Variants in SPTBN1 observed in about 807,000 individuals in gnomAD.
The protein encoded by SPTBN1 is spectrin beta chain, non-erythrocytic 1.
A neutral mutation model predicts 266.4 loss-of-function variants in SPTBN1; 32 were observed. The ratio of observed to expected loss-of-function variants is 0.12; its 90% confidence interval spans 0.09 to 0.16. The LOEUF (loss-of-function observed/expected upper bound fraction) is 0.16. Among genes scored for constraint, SPTBN1 ranks in the 10% least tolerant of loss-of-function variants. The pLI is 1.00. For missense variants in SPTBN1, 2,296 were observed against 3,067.1 expected, an observed-to-expected ratio of 0.75 and a Z score of 5.94; for synonymous variants, 1,336 against 1,162.2, an observed-to-expected ratio of 1.15 and a Z score of -3.04.
rs767039139 is a variant in SPTBN1, at chr2:54,629,597, G to A, written c.2463G>A (p.Arg821=). 6.2e-7 allele frequency: 1 copy of A among 1,614,036 alleles called. No individual in the cohort carries two copies. The highest frequency in any genetic ancestry group is 8.5e-7 in the Non-Finnish European group (1 of 1,180,026). Residue 821 remains arginine (R), a synonymous_variant, in exon 14 of 36, where the codon AGG becomes AGA. Transcript: ENST00000356805. Reference sequence around the variant, plus strand: ...AGCATGCCGAGTCTCCAGACGTGAGGGGCAGGCTGTCGGGCATCGAGGAGC... The same window carrying A: ...AGCATGCCGAGTCTCCAGACGTGAGAGGCAGGCTGTCGGGCATCGAGGAGC... ...PQEHAESPDV[R]GRLSGIEERY... is the part of the protein sequence containing the mutation.
intron 3 of SPTBN1, among the ~76,000 whole-genome samples, chr2:54,605,331 T>C (rs535522976): frequency 7.2e-5 from 11 of 152,194 alleles, no homozygotes; most frequent in Non-Finnish European, 1.2e-4. Flanking sequence ...TCCTGTACTG[T>C]AAAGAGGACG....
chr2:54,666,320 G>A (rs1009211068), intron 34 of SPTBN1, among the ~76,000 whole-genome samples: 1 of 152,216 alleles, frequency 6.6e-6, no homozygotes, highest in African/African-American at 2.4e-5. Flanking sequence ...AGCATTGAAG[G>A]ATAAGGAGCT....
intron 2 of SPTBN1, among the ~76,000 whole-genome samples, chr2:54,571,782 A>T (rs1204968143): frequency 6.6e-6 from 1 of 152,222 alleles, no homozygotes; most frequent in Non-Finnish European, 1.5e-5. Context: ...ATGAGTAGGT[A>T]AAGTAATATA....
intron 31 of SPTBN1, 134 bp downstream of exon 31, chr2:54,659,400 TA>T: frequency 1.2e-6 from 1 of 837,742 alleles, no homozygotes; most frequent in East Asian, 2.5e-5. Flanking sequence ...ATAGACTGTT[TA>T]AAGGCTGTAC....
chr2:54,569,594 A>G (rs1673915127), intron 2 of SPTBN1, among the ~76,000 whole-genome samples: 2 of 152,138 alleles, frequency 1.3e-5, no homozygotes, highest in Admixed American at 6.5e-5. Context: ...TAAGCTTTTC[A>G]TATGTGGTTA....
chr2:54,650,070 G>T, intron 26 of SPTBN1, 81 bp downstream of exon 26: 1 of 1,494,418 alleles, frequency 6.7e-7, no homozygotes, highest in Non-Finnish European at 8.9e-7. Context: ...GTATCTCCCT[G>T]TTCCTTGGCT....
At chr2:54,579,391 C>A (rs1037189341) in intron 2 of SPTBN1, among the ~76,000 whole-genome samples, 2 of 152,188 alleles carry the variant, frequency 1.3e-5, no homozygotes, top group African/African-American at 4.8e-5. Flanking sequence ...TTGGGGAAAT[C>A]ATACAGTACC....
In SPTBN1 at chr2:54,629,633, G is replaced by A. The variant is rs1219420808; in HGVS notation, c.2499G>A (p.Glu833=). The change falls in exon 14 of 36, where the codon GAG becomes GAA. Residue 833 remains glutamate, a synonymous_variant. Transcript: ENST00000356805. The stretch of plus-strand genomic sequence containing the variant: ...CGGGCATCGAGGAGCGGTATAAGGA[G>A]GTGGCAGAGCTGACGCGGCTGCGGA... ...RLSGIEERYK[E]VAELTRLRKQ... is the part of the protein sequence containing the mutation. 6.2e-6 allele frequency: 10 copies of A among 1,613,820 alleles called. No individual in the cohort carries two copies. Among genetic ancestry groups the A allele is most frequent in the Non-Finnish European group, 8.5e-6 (10 of 1,179,988 alleles).
At chr2:54,647,968 A>G (rs1680028564) in intron 24 of SPTBN1, among the ~76,000 whole-genome samples, 1 of 152,264 alleles carries the variant, frequency 6.6e-6, no homozygotes, top group South Asian at 2.1e-4. Context: ...TAAGAGGAGC[A>G]TTAGACAAGA....
chr2:54,600,662 C>G (rs925311827), intron 3 of SPTBN1, among the ~76,000 whole-genome samples: 3 of 151,306 alleles, frequency 2.0e-5, no homozygotes, highest in African/African-American at 4.9e-5. Context: ...CTTTGTCTAC[C>G]TCTCAACCTT....
intron 3 of SPTBN1, among the ~76,000 whole-genome samples, chr2:54,608,598 G>A (rs1433929869): frequency 6.6e-6 from 1 of 152,142 alleles, no homozygotes; most frequent in Non-Finnish European, 1.5e-5. Flanking sequence ...ATGGGAAATA[G>A]GAAGGAGAGA....
intron 3 of SPTBN1, among the ~76,000 whole-genome samples, chr2:54,600,141 C>A (rs1188226080): frequency 6.6e-6 from 1 of 152,208 alleles, no homozygotes; most frequent in Non-Finnish European, 1.5e-5. Context: ...AGCTTGCCAG[C>A]CGCAGTAGGC....
Position 54,646,157 on chromosome 2 carries a change from T to G in SPTBN1, c.4585-37T>G. ...GACATAAGCAGCAGACGGCTGCCAT[T>G]TAGCAAGCCTTTGTGTGTATTTTCC... On this transcript the variant is annotated intron_variant, in intron 22 of 35. Transcript: ENST00000356805. This position sits in a 1 kb window ranked among gnomAD's most constrained non-coding sequence, Gnocchi z 4.4. 2 of 1,591,878 alleles carry G rather than the reference T, an allele frequency of 1.3e-6. No homozygotes were observed. The highest frequency in any genetic ancestry group is 1.7e-6 in the Non-Finnish European group (2 of 1,167,724).
intron 1 of SPTBN1, among the ~76,000 whole-genome samples, chr2:54,496,224 G>A (rs1199549592): frequency 6.6e-6 from 1 of 152,006 alleles, no homozygotes; most frequent in East Asian, 1.9e-4. Flanking sequence ...GATTGCCTAA[G>A]CTCAGGAGTT....
chr2:54,558,315 G>T lies in SPTBN1; in HGVS notation c.148+31749G>T, dbSNP rs1475660019. ...AATACAATGCTGTTATGCTAATCAG[G>T]TGACATCACCGCCCAGCACACGGCG... On this transcript the variant is annotated intron_variant, in intron 2 of 35. Coordinates refer to ENST00000356805, the MANE Select transcript of SPTBN1 (RefSeq NM_003128.3). This position sits in a 1 kb window ranked among gnomAD's most constrained non-coding sequence, Gnocchi z 4.6. The T allele has an allele frequency of 1.0e-6, 1 of 990,578 alleles. No individual in the cohort carries two copies. The highest frequency in any genetic ancestry group is 1.2e-6 in the Non-Finnish European group (1 of 833,220). The allele number at this position is 990,578 out of a possible 1,614,324, so 61.4% of individuals were successfully genotyped here. A position where few individuals can be genotyped will look rare whatever the true frequency, so the allele number is the denominator to read the frequency against.
intron 1 of SPTBN1, among the ~76,000 whole-genome samples, chr2:54,500,817 T>C (rs1298646952): frequency 6.6e-6 from 1 of 152,158 alleles, no homozygotes; most frequent in African/African-American, 2.4e-5. Flanking sequence ...GGATTATAGG[T>C]GTGAGTCACT....
chr2:54,487,520 C>T (rs1485126641), intron 1 of SPTBN1, among the ~76,000 whole-genome samples: 3 of 152,136 alleles, frequency 2.0e-5, no homozygotes, highest in Non-Finnish European at 4.4e-5. Context: ...GAGAAGCCTT[C>T]CCTGATTTTC....
intron 27 of SPTBN1, 139 bp from the exon 28 acceptor site, chr2:54,654,931 A>T: frequency 8.2e-7 from 1 of 1,226,886 alleles, no homozygotes; most frequent in Non-Finnish European, 1.1e-6. Context: ...GCCTAAGCTC[A>T]GGGAGTGATT....
At chr2:54,461,572 A>G (rs985710140) in intron 1 of SPTBN1, among the ~76,000 whole-genome samples, 4 of 152,252 alleles carry the variant, frequency 2.6e-5, no homozygotes, top group African/African-American at 7.2e-5. Flanking sequence ...CCCACTAGCC[A>G]TAAGTGTTAC....
Sources: gnomAD v4.1 joint callset for allele counts (sites outside exome capture counted in the v4.1 genomes callset) on GRCh38, gnomAD v4.1.1 for gene constraint, Gnocchi (gnomAD v3.1) non-coding constraint, MANE v1.5 for transcripts, NCBI Gene and HGNC (gene_info 2026-07-23, HGNC 2026-07-21) for gene names.